Variants in CDC42BPB observed in about 807,000 individuals in gnomAD.
The protein encoded by CDC42BPB is CDC42 binding protein kinase beta, also known as serine/threonine-protein kinase MRCK beta.
Under a neutral mutation model 214.9 loss-of-function variants are expected in CDC42BPB, and 37 were observed. The ratio of observed to expected loss-of-function variants is 0.17; its 90% confidence interval spans 0.13 to 0.23. CDC42BPB has a LOEUF of 0.23. Ranked by LOEUF, CDC42BPB falls within the 10% of genes least tolerant of loss-of-function variation. The probability of loss-of-function intolerance (pLI) is 1.00; values close to 1 mark genes in which losing one functional copy is unlikely to be tolerated. For missense variants in CDC42BPB, 1,694 were observed against 2,227.0 expected (o/e 0.76, Z 4.82); for synonymous variants, 931 against 884.0 (o/e 1.05, Z -0.94).
chr14:103,049,471 T>C (rs1888485929), intron 1 of CDC42BPB, among the ~76,000 whole-genome samples: 1 of 152,220 alleles, frequency 6.6e-6, no homozygotes, highest in Non-Finnish European at 1.5e-5. Flanking sequence ...TTGTTCTCCA[T>C]TACTGGCAGC....
intron 25 of CDC42BPB, 131 bp from the exon 26 acceptor site, chr14:102,950,035 C>G (rs1892412810): frequency 6.7e-7 from 1 of 1,497,770 alleles, no homozygotes; most frequent in Admixed American, 2.3e-5. Flanking sequence ...GGGATGTTTG[C>G]CCAAGAAGGC....
chr14:102,945,022 C>G (rs573629801), intron 29 of CDC42BPB, among the ~76,000 whole-genome samples: 1 of 152,224 alleles, frequency 6.6e-6, no homozygotes, highest in Admixed American at 6.5e-5. Context: ...CGCCCTCACA[C>G]GGCCCCCAGG....
intron 4 of CDC42BPB, 138 bp from the exon 5 acceptor site, chr14:102,999,851 C>T: frequency 6.8e-7 from 1 of 1,472,054 alleles, no homozygotes; most frequent in Non-Finnish European, 9.0e-7. Flanking sequence ...TTCTGTCACC[C>T]AAGACCCTCC....
At chr14:103,054,502 T>C (rs1888830757) in intron 1 of CDC42BPB, among the ~76,000 whole-genome samples, 4 of 152,180 alleles carry the variant, frequency 2.6e-5, no homozygotes. Context: ...CTATAAATAG[T>C]TTTATTCAAA....
chr14:103,036,630 T>C (rs547679126), intron 1 of CDC42BPB, among the ~76,000 whole-genome samples: 3 of 152,228 alleles, frequency 2.0e-5, no homozygotes, highest in Non-Finnish European at 4.4e-5. Context: ...ATGAATACGA[T>C]AGGCTCAACT....
At chr14:103,056,866 G>T in intron 1 of CDC42BPB, 133 bp downstream of exon 1, 1 of 571,978 alleles carries the variant, frequency 1.7e-6, no homozygotes, top group Non-Finnish European at 2.8e-6. Context: ...GCGAGAGGAG[G>T]CGAAGCCCAC....
At chr14:103,021,903 G>A (rs1886797084) in intron 1 of CDC42BPB, among the ~76,000 whole-genome samples, 1 of 152,166 alleles carries the variant, frequency 6.6e-6, no homozygotes. Flanking sequence ...GATGGGGCGT[G>A]CAGGTTGACA....
Position 103,049,339 on chromosome 14 carries a change from G to A in CDC42BPB, c.175+7660C>T, listed in dbSNP as rs553532455. Among the ~76,000 whole-genome samples, 261 of 152,352 alleles carry A rather than the reference G, an allele frequency of 1.7e-3. 1 individual carries two copies. The highest frequency in any genetic ancestry group is 2.8e-3 in the Non-Finnish European group (193 of 68,042). On this transcript the variant is annotated intron_variant, in intron 1 of 36. Coordinates refer to ENST00000361246, the MANE Select transcript of CDC42BPB (RefSeq NM_006035.4). ...CCACCGTCTCAGATGGTGGCCTGAG[G>A]GTGGGAAAAGGCCACAGCCCCGGAG...
intron 34 of CDC42BPB, chr14:102,938,627 CTTTT>C: frequency 1.1e-6 from 1 of 911,470 alleles, no homozygotes; most frequent in Non-Finnish European, 1.3e-6. Flanking sequence ...AAAAAGCGTA[CTTTT>C]TTTGTTTGTT....
At chr14:103,039,292 C>CAAAAA (rs202028122) in intron 1 of CDC42BPB, among the ~76,000 whole-genome samples, 92 of 70,330 alleles carry the variant, frequency 1.3e-3, no homozygotes, top group Middle Eastern at 0.01. Flanking sequence ...GATACCAAAC[C>CAAAAA]AAAAAAAAAA....
intron 1 of CDC42BPB, among the ~76,000 whole-genome samples, chr14:103,040,646 C>G (rs1454979668): frequency 1.3e-5 from 2 of 151,878 alleles, no homozygotes; most frequent in Non-Finnish European, 2.9e-5. Context: ...TTTGTAGAGA[C>G]AGGGTTTCAC....
At chr14:102,950,748 T>C (rs576104415) in intron 24 of CDC42BPB, 146 bp from the exon 25 acceptor site, 5 of 1,295,598 alleles carry the variant, frequency 3.9e-6, no homozygotes, top group East Asian at 3.1e-5. Flanking sequence ...GGCAGACCAC[T>C]TGAGGTCAGC....
intron 28 of CDC42BPB, among the ~76,000 whole-genome samples, chr14:102,946,229 T>C (rs1036149687): frequency 1.3e-5 from 2 of 152,170 alleles, no homozygotes; most frequent in East Asian, 1.9e-4. Context: ...TTCACCGTGT[T>C]AGCCAGGATG....
intron 36 of CDC42BPB, chr14:102,934,195 T>C (rs1056675510): frequency 2.1e-5 from 5 of 235,762 alleles, no homozygotes; most frequent in African/African-American, 2.3e-5. Flanking sequence ...GGTCAGGAGT[T>C]TGAGACCAGC....
Position 102,964,642 on chromosome 14 carries a change from C to A in CDC42BPB, c.2586G>T (p.Leu862=), listed in dbSNP as rs1293031208. Residue 862 remains leucine, a synonymous_variant, in exon 19 of 37, where the codon CTG becomes CTT. Transcript: ENST00000361246. ...GCTTCTGGCTGCGGCGCACCTTCCA[C>A]AGCGGGTCCTTGAGACACGGTCATG... ...SSLGSRTLDP[L]WKVRRSQKLD... 1 of 1,611,286 alleles carries A rather than the reference C, an allele frequency of 6.2e-7. No individual in the cohort carries two copies. The highest frequency in any genetic ancestry group is 8.5e-7 in the Non-Finnish European group (1 of 1,178,150).
rs1362945014 is a variant in CDC42BPB at position 102,932,884 on chromosome 14, G to GC, written c.*827_*828insG. The GC allele has an allele frequency of 7.9e-6, 1 of 126,014 alleles. No individual in the cohort carries two copies. The allele number at this position is 126,014 out of a possible 1,614,324, so 7.8% of individuals were successfully genotyped here. ...GCGGGGGCAGGACTGGTGGGGGGGG[G>GC]GGCGGGCAGGGCGGGGCGGGGTGGG... On this transcript the variant is annotated 3_prime_UTR_variant, in exon 37 of 37. Transcript: ENST00000361246.
chr14:102,950,776 G>T, intron 24 of CDC42BPB, 174 bp from the exon 25 acceptor site: 2 of 693,048 alleles, frequency 2.9e-6, no homozygotes, highest in Non-Finnish European at 3.5e-6. Flanking sequence ...GACCAGCCTG[G>T]CCAACATGGT....
At chr14:102,997,109 G>A (rs1894774207) in intron 5 of CDC42BPB, among the ~76,000 whole-genome samples, 1 of 152,072 alleles carries the variant, frequency 6.6e-6, no homozygotes, top group African/African-American at 2.4e-5. Context: ...ACACAGGAGG[G>A]GCTGTGTCTG....
chr14:103,056,702 G>C (rs1475206886), intron 1 of CDC42BPB, among the ~76,000 whole-genome samples: 2 of 151,618 alleles, frequency 1.3e-5, no homozygotes, highest in African/African-American at 2.4e-5. Context: ...GGGAACGTAG[G>C]ATGTGGCTCC....
Sources: allele counts gnomAD v4.1 joint callset (sites outside exome capture counted in the v4.1 genomes callset), GRCh38; gene constraint gnomAD v4.1.1; transcripts MANE v1.5; gene names NCBI Gene and HGNC (gene_info 2026-07-23, HGNC 2026-07-21).